PCLO: variants seen among roughly 807,000 people sequenced by gnomAD.
The protein encoded by PCLO is piccolo presynaptic cytomatrix protein, also known as protein piccolo.
In PCLO, 82 loss-of-function variants were observed where a neutral mutation model predicts 427.5. The observed-to-expected ratio is 0.19, with a 90% CI of 0.16 to 0.23. The LOEUF (loss-of-function observed/expected upper bound fraction) is 0.23. Among genes scored for constraint, PCLO ranks in the 10% least tolerant of loss-of-function variants. The pLI is 1.00. For synonymous variants in PCLO, 2,357 were observed against 2,155.4 expected (o/e 1.09, Z -2.59); for missense variants, 6,239 against 6,115.9 (o/e 1.02, Z -0.67).
chr7:82,826,211 TAAC>T (rs1416094632), intron 18 of PCLO, among the ~76,000 whole-genome samples: 6 of 151,984 alleles, frequency 3.9e-5, no homozygotes, highest in African/African-American at 1.4e-4. Context: ...TAATTATAAA[TAAC>T]AATGCAATCA....
chr7:83,010,821 A>G (rs1788059419), intron 3 of PCLO, among the ~76,000 whole-genome samples: 1 of 151,920 alleles, frequency 6.6e-6, no homozygotes, highest in Non-Finnish European at 1.5e-5. Context: ...ATAAATCTCT[A>G]AATCTTTTTT....
At position 82,956,926 on chromosome 7, in the gene PCLO, C is replaced by G. The variant is rs1242445733; in HGVS notation, c.4027G>C (p.Asp1343His). 1 of 1,593,450 alleles carries G rather than the reference C, an allele frequency of 6.3e-7. No individual in the cohort carries two copies. The highest frequency in any genetic ancestry group is 1.8e-5 in the Admixed American group (1 of 56,034). Reference sequence around the variant, plus strand: ...GAACTTGAGGTGTCTGATTTGTCATCTTCCTTTTCCTAAGCAGGGAGATAA... The same window carrying G: ...GAACTTGAGGTGTCTGATTTGTCATGTTCCTTTTCCTAAGCAGGGAGATAA... ...EPGKEKTEKEDDKSDTSSSQQ... is the reference protein window; with the variant it reads ...EPGKEKTEKEHDKSDTSSSQQ... Residue 1343 changes from aspartate to histidine, a missense_variant, in exon 5 of 25, where the codon GAT (aspartate) becomes CAT (histidine). By Grantham distance (81) the Asp-to-His change is moderately conservative. Transcript: ENST00000333891.
chr7:83,010,709 C>A (rs1788057053), intron 3 of PCLO, among the ~76,000 whole-genome samples: 1 of 151,752 alleles, frequency 6.6e-6, no homozygotes, highest in Non-Finnish European at 1.5e-5. Context: ...AAGCATAAAT[C>A]ATCCACACTT....
At chr7:83,050,328 A>T (rs1234381241) in intron 3 of PCLO, among the ~76,000 whole-genome samples, 3 of 150,650 alleles carry the variant, frequency 2.0e-5, no homozygotes, top group Non-Finnish European at 4.4e-5. Flanking sequence ...ACCAATTAGA[A>T]TATTATCTGG....
rs147879532 is a variant in PCLO, at chr7:82,791,444, T to TA, written c.15007+10073dup. On this transcript the variant is annotated intron_variant, in intron 22 of 24. Coordinates refer to ENST00000333891, the MANE Select transcript of PCLO (RefSeq NM_033026.6). ...GCATCCACTTTGGATGATAACAGCCTAAAATTGCATCTGCTTAGTGCAGGA... is the reference window on the plus strand; with the variant it reads ...GCATCCACTTTGGATGATAACAGCCTAAAAATTGCATCTGCTTAGTGCAGGA... Among the ~76,000 whole-genome samples, 1,364 of 152,328 alleles carry TA rather than the reference T, an allele frequency of 9.0e-3. 26 individuals are homozygous for TA. The highest frequency in any genetic ancestry group is 0.031 in the African/African-American group (1,283 of 41,574).
At chr7:82,934,989 C>T (rs1295169332) in intron 6 of PCLO, among the ~76,000 whole-genome samples, 2 of 150,948 alleles carry the variant, frequency 1.3e-5, no homozygotes, top group Non-Finnish European at 3.0e-5. Context: ...TTTTAACATG[C>T]ATATTATATT....
chr7:82,922,119 T>G (rs754078312), intron 6 of PCLO, among the ~76,000 whole-genome samples: 5 of 151,878 alleles, frequency 3.3e-5, no homozygotes, highest in Non-Finnish European at 7.4e-5. Flanking sequence ...GTAAAAGGAA[T>G]GCTTAAACAC....
At chr7:82,908,193 G>A (rs779149097) in intron 8 of PCLO, among the ~76,000 whole-genome samples, 1 of 151,980 alleles carries the variant, frequency 6.6e-6, no homozygotes, top group South Asian at 2.1e-4. Context: ...TCTTAGTCTC[G>A]TAGTTGTATT....
At chr7:83,026,921 C>G (rs1050568065) in intron 3 of PCLO, among the ~76,000 whole-genome samples, 3,214 of 141,590 alleles carry the variant, frequency 0.023, 126 homozygotes, top group African/African-American at 0.079. Context: ...AACAAAGACA[C>G]AACATACCAG....
At chr7:82,935,717 C>A (rs764183582) in intron 6 of PCLO, among the ~76,000 whole-genome samples, 40 of 151,500 alleles carry the variant, frequency 2.6e-4, no homozygotes, top group Non-Finnish European at 1.0e-4. Flanking sequence ...ACGATCACGG[C>A]GTGAAACTTC....
chr7:83,127,590 C>T (rs1045182221), intron 3 of PCLO, among the ~76,000 whole-genome samples: 1 of 151,814 alleles, frequency 6.6e-6, no homozygotes, highest in Admixed American at 6.6e-5. Context: ...AAATGAATGA[C>T]CATCAAAAAA....
rs994940187 is a variant in PCLO, at chr7:82,757,062, T to C, written c.*1513A>G. 2.6e-5 allele frequency: 4 copies of C among 152,102 alleles called. No individual in the cohort carries two copies. The highest frequency in any genetic ancestry group is 7.2e-5 in the African/African-American group (3 of 41,438). The allele number at this position is 152,102 out of a possible 1,614,324, so 9.4% of individuals were successfully genotyped here. ...TCTTTCATGGATCATTGATTTATCA[T>C]CACAACATCTCATTTGGAAGGTTAA... On this transcript the variant is annotated 3_prime_UTR_variant, in exon 25 of 25. Transcript: ENST00000333891.
rs775969284 is a variant in PCLO, at chr7:82,956,716, C to G, written c.4237G>C (p.Glu1413Gln). 1 of 1,613,756 alleles carries G rather than the reference C, an allele frequency of 6.2e-7. No homozygotes were observed. Among genetic ancestry groups the G allele is most frequent in the South Asian group, 1.1e-5 (1 of 91,068 alleles). ...PSSPSDLAKL[E>Q]STVLSILEAQ... ...TCCAAAATAGATAGGACTGTACTTTCTAACTTAGCCAAATCTGAGGGGCTG... is the reference window on the plus strand; with the variant it reads ...TCCAAAATAGATAGGACTGTACTTTGTAACTTAGCCAAATCTGAGGGGCTG... Residue 1413 changes from glutamate to glutamine, a missense_variant, in exon 5 of 25, where the codon GAA becomes CAA. Physicochemically the swap from Glu to Gln is conservative, Grantham distance 29. Coordinates refer to ENST00000333891, the MANE Select transcript of PCLO (RefSeq NM_033026.6).
intron 3 of PCLO, among the ~76,000 whole-genome samples, chr7:83,123,329 A>G (rs1453263219): frequency 6.6e-6 from 1 of 152,196 alleles, no homozygotes; most frequent in Non-Finnish European, 1.5e-5. Context: ...ATACATCTAC[A>G]GTGAACTCAT....
At position 83,134,855 on chromosome 7, in the gene PCLO, G is replaced by C; in HGVS notation, c.2695C>G (p.Gln899Glu). The change falls in exon 3 of 25, where the codon CAG becomes GAG. Residue 899 changes from glutamine to glutamate, a missense_variant. Gln to Glu is a conservative substitution (Grantham distance 29). This residue lies in a region of PCLO where 4,677 missense variants were observed against 4,468.4 expected (regional missense o/e 1.05). Transcript: ENST00000333891. ...VPTPQQSPKP[Q>E]EQSRRFSLNL... Reference sequence around the variant, plus strand: ...AGACTGAAACGCCTTGACTGCTCCTGAGGCTTTGGGGACTGTTGAGGTGTG... The same window carrying C: ...AGACTGAAACGCCTTGACTGCTCCTCAGGCTTTGGGGACTGTTGAGGTGTG... 1.2e-6 allele frequency: 2 copies of C among 1,610,212 alleles called. No individual in the cohort carries two copies. The highest frequency in any genetic ancestry group is 2.2e-5 in the South Asian group (2 of 90,568).
At chr7:83,088,806 TAC>T (rs1421311802) in intron 3 of PCLO, among the ~76,000 whole-genome samples, 1 of 152,132 alleles carries the variant, frequency 6.6e-6, no homozygotes, top group African/African-American at 2.4e-5. Flanking sequence ...ACAGAGAAAG[TAC>T]AGTGTTGCCT....
intron 3 of PCLO, among the ~76,000 whole-genome samples, chr7:83,120,671 C>T (rs1456079393): frequency 2.6e-5 from 4 of 151,936 alleles, no homozygotes. Context: ...CCTTAAAGGC[C>T]AGGAGAGAGT....
chr7:83,099,783 T>C lies in PCLO; in HGVS notation c.3300+34467A>G, dbSNP rs1790690927. On this transcript the variant is annotated intron_variant, in intron 3 of 24. Transcript: ENST00000333891. ...CATAAATTTTTAGATATAATCCATA[T>C]CTACATCTAGAACATGATACATACT... Among the ~76,000 whole-genome samples, 3 of 152,266 alleles carry C rather than the reference T, an allele frequency of 2.0e-5. No individual in the cohort carries two copies. The South Asian group carries it at 6.2e-4, about 32-fold the overall frequency.
At chr7:83,160,144 T>A (rs936239659) in intron 1 of PCLO, among the ~76,000 whole-genome samples, 1 of 152,164 alleles carries the variant, frequency 6.6e-6, no homozygotes, top group African/African-American at 2.4e-5. Flanking sequence ...AACAAAAACA[T>A]TCATCTCAAC....
Sources: allele counts gnomAD v4.1 joint callset (sites outside exome capture counted in the v4.1 genomes callset), GRCh38; gene constraint gnomAD v4.1.1; regional missense constraint gnomAD v4.1.1; transcripts MANE v1.5; gene names NCBI Gene and HGNC (gene_info 2026-07-23, HGNC 2026-07-21).